The following MYLK variants were observed in gnomAD, a reference collection of about 807,000 sequenced individuals.
MYLK encodes myosin light chain kinase, also known as myosin light chain kinase, smooth muscle.
In MYLK, 106 loss-of-function variants were observed where a neutral mutation model predicts 203.4. The observed-to-expected ratio is 0.52, with a 90% CI of 0.45 to 0.61. MYLK has a LOEUF of 0.61. MYLK is among the 20% of genes least tolerant of loss of function. The pLI is 0.00. For synonymous variants in MYLK, 867 were observed against 959.5 expected (o/e 0.90, Z 1.78); for missense variants, 2,072 against 2,442.3 (o/e 0.85, Z 3.20).
In MYLK at chr3:123,733,062, T is replaced by C; in HGVS notation, c.1350A>G (p.Glu450=). Residue 450 remains glutamate (E), a synonymous_variant, in exon 11 of 34, where the codon GAA becomes GAG. Coordinates refer to ENST00000360304, the MANE Select transcript of MYLK (RefSeq NM_053025.4). ...CTTCCTGTCTCCTCACGGGGGTGCC[T>C]TCCAGGAACCAGGCCACTTCAGGCT... ...IPKPEVAWFL[E]GTPVRRQEGS... 6.2e-7 allele frequency: 1 copy of C among 1,613,942 alleles called. No homozygotes were observed.
intron 19 of MYLK, among the ~76,000 whole-genome samples, chr3:123,685,786 T>C (rs2060432032): frequency 1.3e-5 from 2 of 152,024 alleles, no homozygotes; most frequent in Non-Finnish European, 2.9e-5. Flanking sequence ...GGGTGCTGGG[T>C]TTTCACTGGA....
chr3:123,739,926 A>T, intron 6 of MYLK, 27 bp downstream of exon 6: 1 of 1,613,186 alleles, frequency 6.2e-7, no homozygotes, highest in South Asian at 1.1e-5. Context: ...TCCAACCCTT[A>T]CTCTGTCTTG....
At chr3:123,854,367 A>G (rs1243893396) in intron 2 of MYLK, among the ~76,000 whole-genome samples, 1 of 151,840 alleles carries the variant, frequency 6.6e-6, no homozygotes, top group Admixed American at 6.6e-5. Flanking sequence ...TGGCTTTAAC[A>G]TTTTCCCCCA....
At chr3:123,826,277 C>T (rs1416567907) in intron 3 of MYLK, among the ~76,000 whole-genome samples, 1 of 152,222 alleles carries the variant, frequency 6.6e-6, no homozygotes, top group Non-Finnish European at 1.5e-5. Flanking sequence ...CATGCCACCA[C>T]ACCAGTTGAG....
chr3:123,827,546 T>C (rs904896232), intron 3 of MYLK, among the ~76,000 whole-genome samples: 2 of 151,064 alleles, frequency 1.3e-5, no homozygotes, highest in African/African-American at 2.4e-5. Flanking sequence ...AAGAATACTA[T>C]ACCCAGCAAA....
At chr3:123,742,707 G>T (rs564752860) in intron 5 of MYLK, among the ~76,000 whole-genome samples, 27 of 151,844 alleles carry the variant, frequency 1.8e-4, no homozygotes, top group Admixed American at 5.2e-4. Flanking sequence ...TGGGAATAAA[G>T]ATTTTATAAA....
intron 2 of MYLK, among the ~76,000 whole-genome samples, chr3:123,862,100 T>A (rs969508470): frequency 2.6e-5 from 4 of 152,254 alleles, no homozygotes; most frequent in African/African-American, 9.6e-5. Flanking sequence ...AAGGCCATGC[T>A]GGCTCAGCGT....
At chr3:123,758,475 C>T (rs2063430330) in intron 4 of MYLK, among the ~76,000 whole-genome samples, 2 of 152,196 alleles carry the variant, frequency 1.3e-5, no homozygotes, top group Non-Finnish European at 2.9e-5. Context: ...CAGCAAATGC[C>T]ATGTGGGTCT....
At chr3:123,871,846 A>C (rs2032809397) in intron 2 of MYLK, among the ~76,000 whole-genome samples, 1 of 149,818 alleles carries the variant, frequency 6.7e-6, no homozygotes, top group Non-Finnish European at 1.5e-5. Flanking sequence ...AGACAAAGAC[A>C]TCGGATCAAT....
chr3:123,637,918 A>T (rs2058700214), intron 29 of MYLK, among the ~76,000 whole-genome samples, 153 bp downstream of exon 29: 5 of 152,082 alleles, frequency 3.3e-5, no homozygotes, highest in Admixed American at 1.3e-4. Flanking sequence ...GCTGCCAGGG[A>T]TAGGAGGGGA....
At chr3:123,676,089 G>A (rs1041700778) in intron 20 of MYLK, among the ~76,000 whole-genome samples, 2 of 152,260 alleles carry the variant, frequency 1.3e-5, no homozygotes, top group Non-Finnish European at 2.9e-5. Flanking sequence ...GCTGGGCCAG[G>A]GGTGCCAGCA....
chr3:123,620,083 A>G, intron 32 of MYLK, 124 bp downstream of exon 32: 1 of 876,066 alleles, frequency 1.1e-6, no homozygotes, highest in Non-Finnish European at 1.9e-6. Flanking sequence ...TTACTTCTGA[A>G]TTTATCCTTG....
At chr3:123,662,239 G>A (rs2059587276) in intron 23 of MYLK, among the ~76,000 whole-genome samples, 1 of 152,192 alleles carries the variant, frequency 6.6e-6, no homozygotes, top group Admixed American at 6.5e-5. Context: ...GAGTGGCACT[G>A]GAGGACAAGT....
At chr3:123,645,459 A>C (rs1183323220) in intron 27 of MYLK, among the ~76,000 whole-genome samples, 1 of 152,208 alleles carries the variant, frequency 6.6e-6, no homozygotes, top group Admixed American at 6.5e-5. Flanking sequence ...ACTGGACTCA[A>C]CTTTCCTGGG....
chr3:123,728,308 C>A (rs568616789), intron 11 of MYLK, among the ~76,000 whole-genome samples: 3 of 152,164 alleles, frequency 2.0e-5, no homozygotes, highest in Admixed American at 1.3e-4. Flanking sequence ...TTGAAACCAG[C>A]CTGGGAAACA....
At chr3:123,857,302 T>C (rs939327421) in intron 2 of MYLK, among the ~76,000 whole-genome samples, 5 of 152,148 alleles carry the variant, frequency 3.3e-5, no homozygotes, top group African/African-American at 1.2e-4. Context: ...ACTGGGTATA[T>C]ACCCAAAGGA....
At chr3:123,686,128 A>G (rs1231135021) in intron 19 of MYLK, among the ~76,000 whole-genome samples, 2 of 152,212 alleles carry the variant, frequency 1.3e-5, no homozygotes, top group Non-Finnish European at 2.9e-5. Context: ...TAATAGTAAT[A>G]TAAGTTTAAG....
At chr3:123,749,278 C>CA (rs571864269) in intron 5 of MYLK, among the ~76,000 whole-genome samples, 1,232 of 120,192 alleles carry the variant, frequency 0.01, 5 homozygotes, top group South Asian at 0.022. Flanking sequence ...GACCTAGCCT[C>CA]AAAAAAAAAA....
intron 3 of MYLK, among the ~76,000 whole-genome samples, chr3:123,828,652 A>T (rs1378245802): frequency 6.6e-6 from 1 of 152,210 alleles, no homozygotes; most frequent in African/African-American, 2.4e-5. Context: ...GGAAGCAAAT[A>T]AAACAAATAG....
Sources: gnomAD v4.1 joint callset for allele counts (sites outside exome capture counted in the v4.1 genomes callset) on GRCh38, gnomAD v4.1.1 for gene constraint, MANE v1.5 for transcripts, NCBI Gene and HGNC (gene_info 2026-07-23, HGNC 2026-07-21) for gene names.